DNAH14: variants seen among roughly 807,000 people sequenced by gnomAD.
DNAH14 encodes the protein dynein axonemal heavy chain 14.
A neutral mutation model predicts 520.9 loss-of-function variants in DNAH14; 478 were observed. That is an observed-to-expected ratio of 0.92 (90% CI 0.85 to 0.99). The LOEUF (loss-of-function observed/expected upper bound fraction) is 0.99, where lower values mean the gene tolerates loss of function less well. DNAH14 is among the 50% of genes least tolerant of loss of function. DNAH14 has a pLI of 0.00. For missense variants in DNAH14, 4,831 were observed against 5,234.5 expected, an observed-to-expected ratio of 0.92 and a Z score of 2.38; for synonymous variants, 1,581 against 1,757.2, an observed-to-expected ratio of 0.90 and a Z score of 2.51.
At chr1:225,027,796 A>G (rs2066236631) in intron 11 of DNAH14, among the ~76,000 whole-genome samples, 2 of 151,972 alleles carry the variant, frequency 1.3e-5, no homozygotes, top group Admixed American at 6.6e-5. Context: ...GAAGACACAA[A>G]TCCAAACCAT....
chr1:225,240,443 T>C, intron 42 of DNAH14, 150 bp from the exon 43 acceptor site: 1 of 499,920 alleles, frequency 2.0e-6, no homozygotes, highest in Non-Finnish European at 3.5e-6. Context: ...AAGGAAAAAA[T>C]TTACATAAAC....
At chr1:225,166,883 C>T (rs369951240) in intron 35 of DNAH14, among the ~76,000 whole-genome samples, 1 of 152,204 alleles carries the variant, frequency 6.6e-6, no homozygotes. Flanking sequence ...TATTTCAAAA[C>T]ATTCCAAAGT....
chr1:225,259,166 A>G lies in DNAH14; in HGVS notation c.7070A>G (p.Glu2357Gly), dbSNP rs2092844633. 6 of 1,547,000 alleles carry G rather than the reference A, an allele frequency of 3.9e-6. No individual in the cohort carries two copies. The highest frequency in any genetic ancestry group is 5.2e-6 in the Non-Finnish European group (6 of 1,145,600). Residue 2357 changes from glutamate to glycine, a missense_variant, in exon 46 of 86, where the codon GAA (glutamate) becomes GGA (glycine). Transcript: ENST00000682510. ...GKTAAINQML[E>G]KLEGPGAFDI... The stretch of plus-strand genomic sequence containing the variant: ...ACTGCTGCCATTAATCAAATGCTTG[A>G]AAAGCTAGAGGGTCCAGGAGCATTT...
At chr1:225,169,118 A>G (rs1378233819) in intron 36 of DNAH14, among the ~76,000 whole-genome samples, 2 of 152,234 alleles carry the variant, frequency 1.3e-5, no homozygotes, top group African/African-American at 4.8e-5. Flanking sequence ...ACAAACAGAA[A>G]GGACATCCAC....
chr1:224,988,124 A>T (rs987334615), intron 8 of DNAH14, among the ~76,000 whole-genome samples: 1 of 151,294 alleles, frequency 6.6e-6, no homozygotes, highest in Admixed American at 6.6e-5. Context: ...TCATTGTTCA[A>T]CTCCCACTTA....
In DNAH14 at chr1:225,318,624, C is replaced by T; in HGVS notation, c.9282C>T (p.Asp3094=). The stretch of plus-strand genomic sequence containing the variant: ...TAAAAAGTGTGCTGCCAGCCTTTGA[C>T]AAGGCAATTGTGGCTCTGAATGCCC... ...NELKSVLPAF[D]KAIVALNALD... Residue 3094 remains aspartate (D), a synonymous_variant, in exon 61 of 86, where the codon GAC becomes GAT. Coordinates refer to ENST00000682510, the MANE Select transcript of DNAH14 (RefSeq NM_001367479.1). 1.3e-6 allele frequency: 2 copies of T among 1,549,356 alleles called. No individual in the cohort carries two copies. Among genetic ancestry groups the T allele is most frequent in the Non-Finnish European group, 1.7e-6 (2 of 1,145,812 alleles).
At chr1:225,393,566 T>C (rs1180538782) in intron 84 of DNAH14, among the ~76,000 whole-genome samples, 1 of 152,212 alleles carries the variant, frequency 6.6e-6, no homozygotes, top group Non-Finnish European at 1.5e-5. Flanking sequence ...AGGACCAGCT[T>C]GGTATATGTG....
chr1:225,109,396 A>C (rs1158589490), intron 23 of DNAH14, among the ~76,000 whole-genome samples: 2 of 151,884 alleles, frequency 1.3e-5, no homozygotes, highest in Non-Finnish European at 2.9e-5. Flanking sequence ...TTCTTGCATC[A>C]ATGTTTTATA....
chr1:224,929,674 G>C, upstream of DNAH14: 1 of 702,484 alleles, frequency 1.4e-6, no homozygotes, highest in Non-Finnish European at 2.6e-6. Flanking sequence ...CGTGGCTCTT[G>C]GTCAGGCGGT....
intron 23 of DNAH14, among the ~76,000 whole-genome samples, chr1:225,101,778 G>A (rs2075485529): frequency 6.6e-6 from 1 of 152,002 alleles, no homozygotes; most frequent in Non-Finnish European, 1.5e-5. Context: ...CACTTGGGTT[G>A]CTTCCAAATT....
At chr1:225,101,713 G>A (rs1558958704) in intron 23 of DNAH14, among the ~76,000 whole-genome samples, 4 of 152,026 alleles carry the variant, frequency 2.6e-5, no homozygotes, top group Non-Finnish European at 5.9e-5. Flanking sequence ...TGGCCGAATA[G>A]TACTCCATTT....
At chr1:225,120,076 T>C (rs968492351) in intron 26 of DNAH14, among the ~76,000 whole-genome samples, 42 of 152,146 alleles carry the variant, frequency 2.8e-4, no homozygotes, top group African/African-American at 1.0e-3. Flanking sequence ...AAGCCAGCTG[T>C]ATAGGAGACC....
At chr1:225,393,210 A>G (rs890118654) in intron 84 of DNAH14, among the ~76,000 whole-genome samples, 2 of 152,252 alleles carry the variant, frequency 1.3e-5, no homozygotes, top group Non-Finnish European at 2.9e-5. Context: ...ACCATTTTAC[A>G]CCCACTAGGT....
At chr1:225,039,791 T>G (rs1313139490) in intron 12 of DNAH14, among the ~76,000 whole-genome samples, 1 of 123,496 alleles carries the variant, frequency 8.1e-6, no homozygotes, top group African/African-American at 3.1e-5. Context: ...GGCAGGAGAA[T>G]GGCATGAACC....
rs1194045954 is a variant in DNAH14 at position 225,304,902 on chromosome 1, C to A, written c.8824-6C>A. ...CTCTTAATTCTTAAAAATTATTATT[C>A]TTCAGAACTTGAAAGAAAAACTTGC... On this transcript the variant is annotated splice_polypyrimidine_tract_variant and splice_region_variant and intron_variant, in intron 57 of 85. Transcript: ENST00000682510. The A allele has an allele frequency of 1.3e-6, 2 of 1,504,636 alleles. No individual in the cohort carries two copies. Among genetic ancestry groups the A allele is most frequent in the Non-Finnish European group, 1.8e-6 (2 of 1,133,558 alleles). The allele number at this position is 1,504,636 out of a possible 1,614,324, so 93.2% of individuals were successfully genotyped here.
chr1:225,002,143 C>T (rs1375697030), intron 8 of DNAH14, among the ~76,000 whole-genome samples: 2 of 152,096 alleles, frequency 1.3e-5, no homozygotes, highest in Admixed American at 6.6e-5. Flanking sequence ...CCCTCTTCTC[C>T]ACACACTGTT....
chr1:224,951,644 A>ATT (rs67437504), intron 1 of DNAH14, among the ~76,000 whole-genome samples: 2,412 of 80,114 alleles, frequency 0.03, 83 homozygotes, highest in African/African-American at 0.052. Context: ...AGATTTCTGG[A>ATT]TTTTTTTTTT....
intron 64 of DNAH14, among the ~76,000 whole-genome samples, chr1:225,326,850 T>TAA (rs373423939): frequency 1.3e-5 from 2 of 149,162 alleles, no homozygotes; most frequent in South Asian, 2.1e-4. Flanking sequence ...AAGTCCATTT[T>TAA]AAAAAAAAAA....
intron 42 of DNAH14, among the ~76,000 whole-genome samples, chr1:225,234,410 C>A (rs894250628): frequency 1.1e-4 from 16 of 152,038 alleles, no homozygotes; most frequent in African/African-American, 3.6e-4. Context: ...GGATGGTCTC[C>A]ATCTCCTGAC....
Sources: gnomAD v4.1 joint callset for allele counts (sites outside exome capture counted in the v4.1 genomes callset) on GRCh38, gnomAD v4.1.1 for gene constraint, MANE v1.5 for transcripts, NCBI Gene and HGNC (gene_info 2026-07-23, HGNC 2026-07-21) for gene names.